Variants in ANKRD17 observed in about 807,000 individuals in gnomAD.
ANKRD17 encodes the protein ankyrin repeat domain 17.
In ANKRD17, 19 loss-of-function variants were observed where a neutral mutation model predicts 229.7. The ratio of observed to expected loss-of-function variants is 0.08; its 90% CI spans 0.06 to 0.12. The LOEUF is 0.12. ANKRD17 is among the 10% of genes least tolerant of loss of function. The pLI, the probability that ANKRD17 is intolerant of heterozygous loss-of-function variation, is 1.00. For missense variants in ANKRD17, 2,176 were observed against 3,176.8 expected, an observed-to-expected ratio of 0.68 and a Z score of 7.57; for synonymous variants, 1,112 against 1,146.1, an observed-to-expected ratio of 0.97 and a Z score of 0.60.
At chr4:73,120,563 A>T (rs887413123) in intron 20 of ANKRD17, among the ~76,000 whole-genome samples, 1 of 151,514 alleles carries the variant, frequency 6.6e-6, no homozygotes, top group African/African-American at 2.4e-5. Flanking sequence ...AAAGAAAGAA[A>T]GAAAAAAAAA....
chr4:73,198,824 A>G (rs1054257605), intron 1 of ANKRD17, among the ~76,000 whole-genome samples: 1 of 152,200 alleles, frequency 6.6e-6, no homozygotes, highest in Non-Finnish European at 1.5e-5. Flanking sequence ...ACATTCTCCC[A>G]TGAATTGTAT....
intron 2 of ANKRD17, among the ~76,000 whole-genome samples, chr4:73,162,167 G>A (rs1271719936): frequency 6.6e-6 from 1 of 151,758 alleles, no homozygotes; most frequent in African/African-American, 2.4e-5. Flanking sequence ...TCCTGCCTCA[G>A]GCTCCCAAGT....
intron 1 of ANKRD17, among the ~76,000 whole-genome samples, chr4:73,227,122 C>T (rs1421801852): frequency 6.6e-6 from 1 of 152,090 alleles, no homozygotes; most frequent in Admixed American, 6.6e-5. Context: ...TGTCTAAAAC[C>T]TGTCATCCTA....
chr4:73,222,998 T>C (rs902677455), intron 1 of ANKRD17: 1 of 1,535,912 alleles, frequency 6.5e-7, no homozygotes, highest in Non-Finnish European at 8.7e-7. Flanking sequence ...CTAGAACATA[T>C]GCTTCCATTT....
At chr4:73,242,567 A>G (rs1040664688) in intron 1 of ANKRD17, among the ~76,000 whole-genome samples, 1 of 152,206 alleles carries the variant, frequency 6.6e-6, no homozygotes, top group African/African-American at 2.4e-5. Flanking sequence ...ATAATCTGAG[A>G]ATATTTCATG....
intron 1 of ANKRD17, among the ~76,000 whole-genome samples, chr4:73,179,520 T>TATATATATA (rs1560666346): frequency 7.8e-5 from 4 of 50,982 alleles, no homozygotes; most frequent in East Asian, 6.4e-4. Context: ...ATATATATAT[T>TATATATATA]TTTTTTTTTT....
chr4:73,164,004 A>G (rs1732892130), intron 2 of ANKRD17, among the ~76,000 whole-genome samples: 1 of 152,234 alleles, frequency 6.6e-6, no homozygotes, highest in Non-Finnish European at 1.5e-5. Flanking sequence ...AAAGAATAAA[A>G]ACTGTCTTGG....
chr4:73,184,393 G>A (rs1735991177), intron 1 of ANKRD17, among the ~76,000 whole-genome samples: 1 of 151,754 alleles, frequency 6.6e-6, no homozygotes, highest in Admixed American at 6.6e-5. Context: ...GCCAGGTGTT[G>A]TGGCAGGTGC....
intron 22 of ANKRD17, 120 bp downstream of exon 22, chr4:73,118,568 A>T: frequency 1.8e-6 from 2 of 1,088,850 alleles, no homozygotes; most frequent in African/African-American, 1.6e-5. Flanking sequence ...AATTATTTGC[A>T]TATTATTGCT....
chr4:73,161,093 T>G, intron 3 of ANKRD17, 99 bp downstream of exon 3: 2 of 1,438,974 alleles, frequency 1.4e-6, no homozygotes, highest in Non-Finnish European at 9.4e-7. Context: ...GTTAGCACAG[T>G]GCCAGCCAGG....
intron 15 of ANKRD17, among the ~76,000 whole-genome samples, chr4:73,136,668 A>ATT (rs1728934117): frequency 6.6e-6 from 1 of 152,110 alleles, no homozygotes; most frequent in Non-Finnish European, 1.5e-5. Context: ...CTCCATATTG[A>ATT]TAGTTTTGTA....
In ANKRD17 at chr4:73,177,548, CAA is replaced by C; in HGVS notation, c.394-17_394-16del. 6.4e-7 allele frequency: 1 copy of C among 1,572,966 alleles called. No homozygotes were observed. The highest frequency in any genetic ancestry group is 8.7e-7 in the Non-Finnish European group (1 of 1,154,708). The stretch of plus-strand genomic sequence containing the variant: ...AAAGACTCCACCTATAAAACAAATG[CAA>C]AAAGAGGGAGGAAGGGAGAAATGAA... On this transcript the variant is annotated splice_polypyrimidine_tract_variant and intron_variant, in intron 1 of 33. Coordinates refer to ENST00000358602, the MANE Select transcript of ANKRD17 (RefSeq NM_032217.5).
At chr4:73,097,943 C>T in intron 26 of ANKRD17, 130 bp downstream of exon 26, 1 of 724,056 alleles carries the variant, frequency 1.4e-6, no homozygotes, top group Non-Finnish European at 2.2e-6. Flanking sequence ...TCAATTGAAA[C>T]AGTACCTTCT....
chr4:73,149,098 T>A, intron 7 of ANKRD17, 48 bp from the exon 8 acceptor site: 2 of 1,519,694 alleles, frequency 1.3e-6, no homozygotes, highest in Non-Finnish European at 1.8e-6. Context: ...ATTAAAAAAA[T>A]CTTGAAAAAT....
chr4:73,248,334 C>A (rs928706927), intron 1 of ANKRD17, among the ~76,000 whole-genome samples: 2 of 151,874 alleles, frequency 1.3e-5, no homozygotes, highest in African/African-American at 4.8e-5. Flanking sequence ...ACAAAATGAT[C>A]CCTATGATCA....
chr4:73,144,503 T>C (rs768280533), intron 11 of ANKRD17, among the ~76,000 whole-genome samples: 1 of 152,140 alleles, frequency 6.6e-6, no homozygotes, highest in African/African-American at 2.4e-5. Context: ...CACAGAGAAA[T>C]TTCCCTTTCC....
intron 6 of ANKRD17, among the ~76,000 whole-genome samples, chr4:73,152,397 T>G (rs1437551185): frequency 6.6e-6 from 1 of 152,046 alleles, no homozygotes; most frequent in Non-Finnish European, 1.5e-5. Flanking sequence ...CTCCCCAAAA[T>G]CCACATTAGT....
chr4:73,232,424 C>T (rs936355144), intron 1 of ANKRD17, among the ~76,000 whole-genome samples: 10 of 152,046 alleles, frequency 6.6e-5, no homozygotes, highest in East Asian at 1.9e-4. Flanking sequence ...TTTGTACTTC[C>T]GAATTTTTCA....
intron 25 of ANKRD17, 138 bp from the exon 26 acceptor site, chr4:73,098,658 G>T: frequency 1.1e-6 from 1 of 884,942 alleles, no homozygotes. Context: ...CACATTCATC[G>T]GTAATGAGCT....
Sources: allele counts gnomAD v4.1 joint callset (sites outside exome capture counted in the v4.1 genomes callset), GRCh38; gene constraint gnomAD v4.1.1; transcripts MANE v1.5; gene names NCBI Gene and HGNC (gene_info 2026-07-23, HGNC 2026-07-21).